The following DBX2 variants were observed in gnomAD, a reference collection of about 807,000 sequenced individuals.
DBX2 encodes the protein developing brain homeobox 2, also known as homeobox protein DBX2.
In DBX2, 16 loss-of-function variants were observed where a neutral mutation model predicts 17.7. The ratio of observed to expected loss-of-function variants is 0.90; its 90% CI spans 0.61 to 1.37. The LOEUF (loss-of-function observed/expected upper bound fraction) is 1.37, where lower values mean the gene tolerates loss of function less well. DBX2 is among the 40% of genes most tolerant of loss of function. The pLI, the probability that DBX2 is intolerant of heterozygous loss-of-function variation, is 0.00. For synonymous variants in DBX2, 255 were observed against 183.8 expected (o/e 1.39, Z -3.13); for missense variants, 538 against 433.8 (o/e 1.24, Z -2.13).
rs532288525 is a variant in DBX2 at position 45,044,494 on chromosome 12, T to C, written c.403+6031A>G. On this transcript the variant is annotated intron_variant, in intron 1 of 3. Coordinates refer to ENST00000332700, the MANE Select transcript of DBX2 (RefSeq NM_001004329.3). The stretch of plus-strand genomic sequence containing the variant: ...GGAAATCTATATATTCTATTTCTGA[T>C]GGTCGCTTAGAGTTAACAAAAAATT... Among the ~76,000 whole-genome samples the C allele has an allele frequency of 3.3e-5, 5 of 152,322 alleles. 1 individual carries two copies. In the South Asian group the frequency reaches 8.3e-4, roughly 25 times the overall value.
At chr12:45,028,031 C>T (rs1273504172) in intron 2 of DBX2, among the ~76,000 whole-genome samples, 10 of 152,208 alleles carry the variant, frequency 6.6e-5, no homozygotes, top group African/African-American at 1.9e-4. Context: ...AGAGCAGCAC[C>T]TAGAAGAACA....
At chr12:45,021,586 C>G (rs953801781) in intron 3 of DBX2, among the ~76,000 whole-genome samples, 11 of 152,182 alleles carry the variant, frequency 7.2e-5, no homozygotes, top group Admixed American at 2.0e-4. Flanking sequence ...CCTAAACCTG[C>G]CTGTTTTCTC....
At chr12:45,039,880 GAAAAA>G (rs544221366) in intron 1 of DBX2, among the ~76,000 whole-genome samples, 1,855 of 147,484 alleles carry the variant, frequency 0.013, 41 homozygotes, top group African/African-American at 0.043. Flanking sequence ...CCATGAGAGA[GAAAAA>G]AAAAATGGCC....
chr12:45,048,389 A>G (rs1360637044), intron 1 of DBX2, among the ~76,000 whole-genome samples: 1 of 152,172 alleles, frequency 6.6e-6, no homozygotes, highest in Non-Finnish European at 1.5e-5. Context: ...TCAGAAAAAT[A>G]TGGTATTATC....
At chr12:45,037,545 A>G (rs1352529226) in intron 1 of DBX2, among the ~76,000 whole-genome samples, 1 of 152,094 alleles carries the variant, frequency 6.6e-6, no homozygotes, top group Non-Finnish European at 1.5e-5. Flanking sequence ...TTGAAAATAA[A>G]TATTTTTATT....
chr12:45,018,862 A>G (rs1421537255), intron 3 of DBX2, among the ~76,000 whole-genome samples: 1 of 152,076 alleles, frequency 6.6e-6, no homozygotes, highest in African/African-American at 2.4e-5. Flanking sequence ...AACCTTGAGG[A>G]TATTATTCTA....
At chr12:45,048,398 T>C (rs1200606114) in intron 1 of DBX2, among the ~76,000 whole-genome samples, 1 of 152,186 alleles carries the variant, frequency 6.6e-6, no homozygotes, top group Non-Finnish European at 1.5e-5. Flanking sequence ...TATGGTATTA[T>C]CTTCCCGAAA....
At chr12:45,047,217 T>C (rs1317201242) in intron 1 of DBX2, among the ~76,000 whole-genome samples, 1 of 152,130 alleles carries the variant, frequency 6.6e-6, no homozygotes, top group African/African-American at 2.4e-5. Flanking sequence ...TCAGGCATAA[T>C]ATTTTCCAAA....
intron 1 of DBX2, among the ~76,000 whole-genome samples, chr12:45,046,485 G>A (rs1175349746): frequency 6.6e-6 from 1 of 152,102 alleles, no homozygotes; most frequent in African/African-American, 2.4e-5. Flanking sequence ...TTGTCAAAAT[G>A]AATCTAAACC....
At chr12:45,044,658 CT>C (rs1288531132) in intron 1 of DBX2, among the ~76,000 whole-genome samples, 2 of 152,028 alleles carry the variant, frequency 1.3e-5, no homozygotes, top group Non-Finnish European at 2.9e-5. Flanking sequence ...TTTTCCTTTC[CT>C]TTTCCTGAAT....
At chr12:45,029,127 T>G (rs1946396048) in intron 2 of DBX2, among the ~76,000 whole-genome samples, 1 of 152,202 alleles carries the variant, frequency 6.6e-6, no homozygotes, top group Admixed American at 6.5e-5. Flanking sequence ...TTATGACAAA[T>G]GTCTGACTTT....
chr12:45,044,587 T>C (rs1946489827), intron 1 of DBX2, among the ~76,000 whole-genome samples: 1 of 152,156 alleles, frequency 6.6e-6, no homozygotes, highest in Non-Finnish European at 1.5e-5. Flanking sequence ...CTGTGCATCA[T>C]TTATAAACAA....
At chr12:45,033,280 T>C (rs1026080598) in intron 2 of DBX2, among the ~76,000 whole-genome samples, 3 of 152,204 alleles carry the variant, frequency 2.0e-5, no homozygotes, top group African/African-American at 4.8e-5. Context: ...TGAAGCAATA[T>C]TGTGAAACAA....
At chr12:45,038,815 A>G (rs1377188210) in intron 1 of DBX2, among the ~76,000 whole-genome samples, 2 of 152,000 alleles carry the variant, frequency 1.3e-5, no homozygotes, top group African/African-American at 4.8e-5. Context: ...TTAACCAGAA[A>G]AACCATTTTA....
At chr12:45,024,274 C>T (rs1436823164) in intron 2 of DBX2, among the ~76,000 whole-genome samples, 1 of 152,206 alleles carries the variant, frequency 6.6e-6, no homozygotes, top group Non-Finnish European at 1.5e-5. Context: ...GCTTCCCCTT[C>T]TCCCACGATT....
intron 1 of DBX2, among the ~76,000 whole-genome samples, chr12:45,037,398 T>TC (rs750327607): frequency 6.6e-6 from 1 of 152,144 alleles, no homozygotes; most frequent in Non-Finnish European, 1.5e-5. Context: ...CAAATGGTCT[T>TC]CCAAATGAAC....
At chr12:45,025,363 T>TC (rs1946375944) in intron 2 of DBX2, among the ~76,000 whole-genome samples, 1 of 151,734 alleles carries the variant, frequency 6.6e-6, no homozygotes, top group Non-Finnish European at 1.5e-5. Context: ...AAACAGATTC[T>TC]CCCCAGAGCC....
intron 2 of DBX2, among the ~76,000 whole-genome samples, chr12:45,029,703 A>T (rs2137023461): frequency 6.6e-6 from 1 of 151,926 alleles, no homozygotes; most frequent in Non-Finnish European, 1.5e-5. Context: ...TCTCTACTAA[A>T]AATACCAAAA....
chr12:45,027,931 T>C (rs1565582253), intron 2 of DBX2, among the ~76,000 whole-genome samples: 1 of 152,140 alleles, frequency 6.6e-6, no homozygotes, highest in Non-Finnish European at 1.5e-5. Context: ...ACAGCCACAA[T>C]ACAGTGGGAT....
Sources: gnomAD v4.1 joint callset for allele counts (sites outside exome capture counted in the v4.1 genomes callset) on GRCh38, gnomAD v4.1.1 for gene constraint, MANE v1.5 for transcripts, NCBI Gene and HGNC (gene_info 2026-07-23, HGNC 2026-07-21) for gene names.